AGBL4: variants seen among roughly 807,000 people sequenced by gnomAD.
AGBL4 encodes AGBL carboxypeptidase 4.
A neutral mutation model predicts 66.4 loss-of-function variants in AGBL4; 58 were observed. That is an observed-to-expected ratio of 0.87 (90% CI 0.71 to 1.09). AGBL4 has a LOEUF of 1.09. Ranked by LOEUF, AGBL4 falls within the 50% of genes least tolerant of loss-of-function variation. The pLI, the probability that AGBL4 is intolerant of heterozygous loss-of-function variation, is 0.00. For synonymous variants in AGBL4, 234 were observed against 222.9 expected (o/e 1.05, Z -0.44); for missense variants, 579 against 631.0 (o/e 0.92, Z 0.88).
chr1:49,731,448 A>G (rs1386540070), intron 2 of AGBL4, among the ~76,000 whole-genome samples: 1 of 152,238 alleles, frequency 6.6e-6, no homozygotes, highest in Non-Finnish European at 1.5e-5. Context: ...TGCCAGATAT[A>G]CACAGCAGAC....
intron 4 of AGBL4, among the ~76,000 whole-genome samples, chr1:49,219,534 C>T (rs1279808584): frequency 1.3e-5 from 2 of 152,096 alleles, no homozygotes; most frequent in East Asian, 3.9e-4. Flanking sequence ...GCATGATACA[C>T]ATAAGGCTGA....
intron 6 of AGBL4, among the ~76,000 whole-genome samples, chr1:48,725,424 T>C (rs898344320): frequency 1.6e-4 from 24 of 152,228 alleles, no homozygotes; most frequent in Admixed American, 1.6e-3. Flanking sequence ...AATTTGAGTT[T>C]TTATATGTAT....
intron 3 of AGBL4, among the ~76,000 whole-genome samples, chr1:49,390,604 A>C (rs1025549821): frequency 4.6e-5 from 7 of 152,238 alleles, no homozygotes; most frequent in African/African-American, 1.7e-4. Flanking sequence ...AAACTATCTT[A>C]CAAAAGTTTC....
chr1:48,945,359 C>T (rs1431351969), intron 5 of AGBL4, among the ~76,000 whole-genome samples: 2 of 152,098 alleles, frequency 1.3e-5, no homozygotes, highest in Non-Finnish European at 2.9e-5. Context: ...AACATTCTAT[C>T]CCACAACAAG....
At chr1:48,652,042 C>T (rs1423312681) in intron 8 of AGBL4, among the ~76,000 whole-genome samples, 10 of 152,020 alleles carry the variant, frequency 6.6e-5, no homozygotes, top group Non-Finnish European at 1.2e-4. Flanking sequence ...AAGAGTTGTT[C>T]GATAACCAGG....
chr1:48,845,561 C>A (rs1430792711), intron 6 of AGBL4, among the ~76,000 whole-genome samples: 2 of 152,202 alleles, frequency 1.3e-5, no homozygotes, highest in Non-Finnish European at 2.9e-5. Flanking sequence ...ATTAATCACT[C>A]TCTTTGCAAA....
intron 3 of AGBL4, among the ~76,000 whole-genome samples, chr1:49,256,629 G>A (rs1231424330): frequency 1.3e-5 from 2 of 152,148 alleles, no homozygotes; most frequent in African/African-American, 4.8e-5. Flanking sequence ...AAGTGTCTGT[G>A]TCTATGTGTG....
intron 3 of AGBL4, among the ~76,000 whole-genome samples, chr1:49,262,639 T>A (rs201282844): frequency 6.6e-6 from 1 of 151,272 alleles, no homozygotes; most frequent in African/African-American, 2.4e-5. Flanking sequence ...TGGCGATCAT[T>A]AAAAGTCAGG....
intron 3 of AGBL4, among the ~76,000 whole-genome samples, chr1:49,503,478 CA>C (rs925141069): frequency 1.2e-4 from 19 of 152,096 alleles, no homozygotes; most frequent in African/African-American, 4.6e-4. Flanking sequence ...CTGGACCCCA[CA>C]ATGGTAGATC....
intron 4 of AGBL4, among the ~76,000 whole-genome samples, chr1:49,212,980 A>G (rs1197360833): frequency 6.6e-6 from 1 of 152,166 alleles, no homozygotes; most frequent in East Asian, 1.9e-4. Context: ...TATAAAATAA[A>G]GAACAGTCTG....
intron 2 of AGBL4, among the ~76,000 whole-genome samples, chr1:49,778,811 G>C (rs1273842652): frequency 2.0e-5 from 3 of 152,146 alleles, no homozygotes; most frequent in Non-Finnish European, 4.4e-5. Context: ...CTCCAAAAGG[G>C]GGGAAGTTGG....
intron 6 of AGBL4, among the ~76,000 whole-genome samples, chr1:48,737,050 G>A (rs1252892459): frequency 6.6e-6 from 1 of 152,192 alleles, no homozygotes; most frequent in Non-Finnish European, 1.5e-5. Flanking sequence ...TTGGGAGGCA[G>A]AGGTGGGCGG....
chr1:49,180,750 C>T (rs1478057515), intron 4 of AGBL4, among the ~76,000 whole-genome samples: 3 of 152,206 alleles, frequency 2.0e-5, no homozygotes, highest in African/African-American at 7.2e-5. Context: ...ATGCACCATA[C>T]ATCCATATAC....
At chr1:48,823,843 C>T (rs1288675203) in intron 6 of AGBL4, among the ~76,000 whole-genome samples, 1 of 152,152 alleles carries the variant, frequency 6.6e-6, no homozygotes, top group East Asian at 1.9e-4. Flanking sequence ...AATTTCAGGT[C>T]TATTTATTTC....
intron 11 of AGBL4, among the ~76,000 whole-genome samples, chr1:48,556,544 C>T (rs562352211): frequency 6.6e-6 from 1 of 152,354 alleles, no homozygotes; most frequent in East Asian, 1.9e-4. Context: ...CCCTCTGTGG[C>T]AGGGCCTCTG....
At chr1:48,586,624 T>A in intron 11 of AGBL4, 1 of 231,610 alleles carries the variant, frequency 4.3e-6, no homozygotes, top group Non-Finnish European at 8.6e-6. Context: ...TTAGAAGGAG[T>A]CAAGATCATC....
intron 3 of AGBL4, among the ~76,000 whole-genome samples, chr1:49,639,432 T>C (rs1456993629): frequency 3.9e-5 from 6 of 152,246 alleles, no homozygotes; most frequent in Non-Finnish European, 7.3e-5. Context: ...CACACTTTTA[T>C]GTCTCAGAAC....
At chr1:49,190,459 T>A (rs1324870828) in intron 4 of AGBL4, among the ~76,000 whole-genome samples, 1 of 152,192 alleles carries the variant, frequency 6.6e-6, no homozygotes, top group Non-Finnish European at 1.5e-5. Context: ...AAATAAGTTA[T>A]TGGTTTGACT....
chr1:49,946,007 T>C (rs1655172748), intron 1 of AGBL4, among the ~76,000 whole-genome samples: 1 of 151,724 alleles, frequency 6.6e-6, no homozygotes, highest in African/African-American at 2.4e-5. Context: ...CAGGAAAATA[T>C]CACAATCCTA....
Sources: gnomAD v4.1 joint callset for allele counts (sites outside exome capture counted in the v4.1 genomes callset) on GRCh38, gnomAD v4.1.1 for gene constraint, MANE v1.5 for transcripts, NCBI Gene and HGNC (gene_info 2026-07-23, HGNC 2026-07-21) for gene names.